The following THSD4 variants were observed in gnomAD, a reference collection of about 807,000 sequenced individuals.
THSD4 encodes thrombospondin type 1 domain containing 4.
A neutral mutation model predicts 119.0 loss-of-function variants in THSD4; 69 were observed. The observed-to-expected ratio is 0.58, with a 90% CI of 0.48 to 0.71. THSD4 has a LOEUF of 0.71. Among genes scored for constraint, THSD4 ranks in the 30% least tolerant of loss-of-function variants. The pLI, the probability that THSD4 is intolerant of heterozygous loss-of-function variation, is 0.00. For synonymous variants in THSD4, 524 were observed against 540.4 expected, an observed-to-expected ratio of 0.97 and a Z score of 0.42; for missense variants, 1,393 against 1,391.1, an observed-to-expected ratio of 1.00 and a Z score of -0.02.
chr15:71,247,746 G>A (rs748900103), intron 5 of THSD4, among the ~76,000 whole-genome samples: 45 of 152,198 alleles, frequency 3.0e-4, no homozygotes, highest in Non-Finnish European at 5.4e-4. Context: ...GGGCAACACA[G>A]GGCGGAAGTC....
At chr15:71,404,798 A>T (rs1340946905) in intron 6 of THSD4, among the ~76,000 whole-genome samples, 1 of 152,140 alleles carries the variant, frequency 6.6e-6, no homozygotes, top group Non-Finnish European at 1.5e-5. Context: ...TTGATGTTGG[A>T]CTTCCCAGCC....
At chr15:71,402,028 C>T (rs1417986898) in intron 6 of THSD4, among the ~76,000 whole-genome samples, 2 of 150,734 alleles carry the variant, frequency 1.3e-5, no homozygotes, top group Admixed American at 1.3e-4. Flanking sequence ...CGCATGTTCT[C>T]ACTCATAGGT....
intron 6 of THSD4, among the ~76,000 whole-genome samples, chr15:71,397,669 T>G (rs717028): frequency 0.29 from 43,948 of 152,066 alleles, 7,017 homozygotes; most frequent in East Asian, 0.55. Flanking sequence ...GAGGAAAGAA[T>G]TAAGAGTTTA....
intron 8 of THSD4, among the ~76,000 whole-genome samples, chr15:71,717,458 G>A (rs1231712733): frequency 1.3e-5 from 2 of 151,988 alleles, no homozygotes; most frequent in African/African-American, 4.8e-5. Context: ...GGTGGAATCT[G>A]GCATAAAGGG....
intron 8 of THSD4, among the ~76,000 whole-genome samples, chr15:71,679,451 C>T (rs142835921): frequency 3.3e-5 from 5 of 152,280 alleles, no homozygotes; most frequent in Admixed American, 1.3e-4. Flanking sequence ...CAATAAAATA[C>T]GATATACCAA....
chr15:71,642,195 T>G (rs1347765244), intron 7 of THSD4, among the ~76,000 whole-genome samples: 2 of 152,164 alleles, frequency 1.3e-5, no homozygotes, highest in African/African-American at 4.8e-5. Flanking sequence ...AGAAATGGCT[T>G]AGAAAGTTAC....
chr15:71,387,337 A>G (rs144429182), intron 6 of THSD4, among the ~76,000 whole-genome samples: 50 of 152,312 alleles, frequency 3.3e-4, no homozygotes, highest in African/African-American at 1.1e-3. Flanking sequence ...GATTCTCTCC[A>G]AACCAAATGG....
chr15:71,160,078 A>G (rs1296204772), intron 3 of THSD4, among the ~76,000 whole-genome samples: 2 of 152,042 alleles, frequency 1.3e-5, no homozygotes, highest in Non-Finnish European at 2.9e-5. Context: ...TGAAATGATC[A>G]TATGGTTTTT....
At chr15:71,508,233 C>A (rs1277194606) in intron 7 of THSD4, among the ~76,000 whole-genome samples, 4 of 152,142 alleles carry the variant, frequency 2.6e-5, no homozygotes, top group African/African-American at 9.7e-5. Flanking sequence ...CTTTGTTTTG[C>A]CCTGGGTTAA....
At chr15:71,589,930 G>A (rs932911091) in intron 7 of THSD4, among the ~76,000 whole-genome samples, 1 of 139,584 alleles carries the variant, frequency 7.2e-6, no homozygotes, top group South Asian at 2.3e-4. Flanking sequence ...GAAATCAAAT[G>A]TGAAAGAAAG....
At chr15:71,121,257 G>A (rs954744892) in intron 1 of THSD4, among the ~76,000 whole-genome samples, 4 of 152,174 alleles carry the variant, frequency 2.6e-5, no homozygotes, top group Non-Finnish European at 5.9e-5. Context: ...CAAGTTTTGG[G>A]CCTTGAACAG....
At chr15:71,768,171 A>T (rs1169627585) in intron 16 of THSD4, among the ~76,000 whole-genome samples, 1 of 152,058 alleles carries the variant, frequency 6.6e-6, no homozygotes, top group Non-Finnish European at 1.5e-5. Flanking sequence ...TTAGAATTAG[A>T]ATTCTAAACT....
In THSD4 at chr15:71,174,860, C is replaced by A. The variant is rs1162487279; in HGVS notation, c.99+19928C>A. Among the ~76,000 whole-genome samples the A allele has an allele frequency of 2.6e-5, 4 of 151,222 alleles. No individual in the cohort carries two copies. In the East Asian group the frequency reaches 5.9e-4, roughly 22 times the overall value. On this transcript the variant is annotated intron_variant, in intron 3 of 17. Coordinates refer to ENST00000261862, the MANE Select transcript of THSD4 (RefSeq NM_024817.3). ...CCCCGAGCAGCCTAACTGGGAGGCACCCCCCAGCAGGGGCACACTGACACC... is the reference window on the plus strand; with the variant it reads ...CCCCGAGCAGCCTAACTGGGAGGCAACCCCCAGCAGGGGCACACTGACACC...
At chr15:71,690,773 T>C (rs1185723171) in intron 8 of THSD4, among the ~76,000 whole-genome samples, 1 of 152,164 alleles carries the variant, frequency 6.6e-6, no homozygotes, top group East Asian at 1.9e-4. Context: ...AACTCCTCCT[T>C]ATAAAACCAT....
intron 6 of THSD4, among the ~76,000 whole-genome samples, chr15:71,338,197 C>T (rs2045512794): frequency 6.6e-6 from 1 of 152,140 alleles, no homozygotes; most frequent in African/African-American, 2.4e-5. Context: ...AGCTGTGTGA[C>T]CTTGAGCCAA....
chr15:71,633,336 C>CGCAATCA (rs2050673702), intron 7 of THSD4, among the ~76,000 whole-genome samples: 3 of 137,234 alleles, frequency 2.2e-5, no homozygotes, highest in Non-Finnish European at 4.6e-5. Context: ...AGTGCAGTGG[C>CGCAATCA]GCAATCATAG....
Position 71,515,513 on chromosome 15 carries a change from G to T in THSD4, c.1152+103690G>T, listed in dbSNP as rs112735005. 1.4e-4 allele frequency among the ~76,000 whole-genome samples: 22 copies of T among 152,244 alleles called. No individual in the cohort carries two copies. The East Asian group carries it at 4.1e-3, about 28-fold the overall frequency. ...CAAGTTGCTGACGTACCCTGCCTGG[G>T]TCTCTGTGTCCCCATGTCTAAGACA... On this transcript the variant is annotated intron_variant, in intron 7 of 17. Coordinates refer to ENST00000261862, the MANE Select transcript of THSD4 (RefSeq NM_024817.3).
chr15:71,111,348 G>A (rs1413224294), upstream of THSD4: 1 of 1,613,916 alleles, frequency 6.2e-7, no homozygotes, highest in Admixed American at 1.7e-5. Context: ...TTGCCCAGTT[G>A]TGGGTTACAG....
At chr15:71,748,013 T>A (rs968656044) in intron 13 of THSD4, among the ~76,000 whole-genome samples, 2 of 152,218 alleles carry the variant, frequency 1.3e-5, no homozygotes, top group African/African-American at 2.4e-5. Flanking sequence ...GAGAGTCCAT[T>A]CTGTCAGTCT....
Sources: allele counts gnomAD v4.1 joint callset (sites outside exome capture counted in the v4.1 genomes callset), GRCh38; gene constraint gnomAD v4.1.1; transcripts MANE v1.5; gene names NCBI Gene and HGNC (gene_info 2026-07-23, HGNC 2026-07-21).